The following BNC2 variants were observed in gnomAD, a reference collection of about 807,000 sequenced individuals.
The protein encoded by BNC2 is zinc finger protein basonuclin-2.
BNC2 carries 20 observed loss-of-function variants against 76.3 expected under a neutral mutation model. The ratio of observed to expected loss-of-function variants is 0.26; its 90% confidence interval spans 0.18 to 0.38. The LOEUF (loss-of-function observed/expected upper bound fraction) is 0.38, where lower values mean the gene tolerates loss of function less well. Among genes scored for constraint, BNC2 ranks in the 10% least tolerant of loss-of-function variants. BNC2 has a pLI of 1.00. For missense variants in BNC2, 1,382 were observed against 1,399.8 expected (o/e 0.99, Z 0.20); for synonymous variants, 582 against 514.8 (o/e 1.13, Z -1.77).
chr9:16,791,234 T>G (rs1388047462), intron 1 of BNC2, among the ~76,000 whole-genome samples: 1 of 152,044 alleles, frequency 6.6e-6, no homozygotes, highest in Admixed American at 6.5e-5. Context: ...GCTAATTTTT[T>G]GTATTTTTAG....
intron 5 of BNC2, among the ~76,000 whole-genome samples, chr9:16,509,380 G>A (rs1048160277): frequency 6.6e-6 from 1 of 152,268 alleles, no homozygotes; most frequent in Middle Eastern, 3.4e-3. Flanking sequence ...AGTCCTCGAG[G>A]ACAGGAAACA....
intron 5 of BNC2, among the ~76,000 whole-genome samples, chr9:16,507,992 T>C (rs994887246): frequency 6.6e-6 from 1 of 152,196 alleles, no homozygotes; most frequent in Non-Finnish European, 1.5e-5. Context: ...ATTTTAGTCA[T>C]TGAGTATTGA....
rs186475544 is a variant in BNC2 at position 16,451,519 on chromosome 9, C to G, written c.670-13995G>C. 3.9e-5 allele frequency among the ~76,000 whole-genome samples: 6 copies of G among 152,232 alleles called. No homozygotes were observed. In the East Asian group the frequency reaches 1.2e-3, roughly 29 times the overall value. ...GAAGTCCCCTCAATATAGACTCAACCTACATTTCTAACATCATCTCCTGCC... is the reference window on the plus strand; with the variant it reads ...GAAGTCCCCTCAATATAGACTCAACGTACATTTCTAACATCATCTCCTGCC... On this transcript the variant is annotated intron_variant, in intron 5 of 6. Coordinates refer to ENST00000380672, the MANE Select transcript of BNC2 (RefSeq NM_017637.6).
chr9:16,870,545 G>A, intron 1 of BNC2, 101 bp downstream of exon 1: 1 of 1,397,632 alleles, frequency 7.2e-7, no homozygotes. Context: ...GCGGGCCGGA[G>A]GGCGGACACG....
chr9:16,558,199 A>T (rs1818898239), intron 4 of BNC2, among the ~76,000 whole-genome samples: 1 of 152,106 alleles, frequency 6.6e-6, no homozygotes, highest in South Asian at 2.1e-4. Flanking sequence ...CTAGAAAACC[A>T]GTCTGCTCCC....
chr9:16,870,457 G>A (rs374429273), intron 1 of BNC2, among the ~76,000 whole-genome samples, 189 bp downstream of exon 1: 1 of 151,980 alleles, frequency 6.6e-6, no homozygotes, highest in African/African-American at 2.4e-5. Context: ...GAGGCCACTG[G>A]GAGCGCAGCG....
intron 3 of BNC2, among the ~76,000 whole-genome samples, chr9:16,698,282 G>C (rs1823398579): frequency 6.6e-6 from 1 of 151,148 alleles, no homozygotes; most frequent in African/African-American, 2.4e-5. Flanking sequence ...AAGCATACAA[G>C]GGCAAGCAAG....
At chr9:16,682,262 G>A (rs992334092) in intron 3 of BNC2, among the ~76,000 whole-genome samples, 1 of 150,198 alleles carries the variant, frequency 6.7e-6, no homozygotes, top group Non-Finnish European at 1.5e-5. Flanking sequence ...GTAATAAAAA[G>A]TTTCAAGACA....
chr9:16,491,304 G>C (rs1264660583), intron 5 of BNC2, among the ~76,000 whole-genome samples: 1 of 152,168 alleles, frequency 6.6e-6, no homozygotes, highest in Non-Finnish European at 1.5e-5. Flanking sequence ...TGCTAATCAA[G>C]TAAGATCCTT....
intron 3 of BNC2, among the ~76,000 whole-genome samples, chr9:16,650,172 C>T (rs1821753758): frequency 6.6e-6 from 1 of 152,216 alleles, no homozygotes; most frequent in Non-Finnish European, 1.5e-5. Context: ...TCACAAGACA[C>T]AGGAACTCTT....
chr9:16,490,096 C>A (rs1319529669), intron 5 of BNC2, among the ~76,000 whole-genome samples: 2 of 152,224 alleles, frequency 1.3e-5, no homozygotes, highest in African/African-American at 2.4e-5. Flanking sequence ...AAATCAAAGA[C>A]CTTTCTCCCC....
At chr9:16,482,610 A>G (rs1214831840) in intron 5 of BNC2, among the ~76,000 whole-genome samples, 1 of 152,246 alleles carries the variant, frequency 6.6e-6, no homozygotes, top group Non-Finnish European at 1.5e-5. Context: ...ATGATGAGAC[A>G]TATAATCTTA....
At chr9:16,433,091 C>T (rs1407170460) in intron 6 of BNC2, among the ~76,000 whole-genome samples, 2 of 152,142 alleles carry the variant, frequency 1.3e-5, no homozygotes, top group Non-Finnish European at 2.9e-5. Context: ...ACCCCAATGG[C>T]ATCACTGGTT....
At chr9:16,465,719 T>C (rs1821691695) in intron 5 of BNC2, among the ~76,000 whole-genome samples, 1 of 152,160 alleles carries the variant, frequency 6.6e-6, no homozygotes, top group South Asian at 2.1e-4. Context: ...TTCAACACTT[T>C]CTTAACATAT....
chr9:16,535,088 T>A (rs948454425), intron 5 of BNC2, among the ~76,000 whole-genome samples: 3 of 152,200 alleles, frequency 2.0e-5, no homozygotes, highest in Non-Finnish European at 4.4e-5. Flanking sequence ...CTTCATCACC[T>A]ATAAAACTAA....
In BNC2 at chr9:16,435,544, G is replaced by A. The variant is rs768319684; in HGVS notation, c.2639+11C>T. ...ACCCCCAGCAGGAGCAGCCAATGGA[G>A]ATTTACTGACCTGTCTCGGCTTCGG... On this transcript the variant is annotated intron_variant, in intron 6 of 6. Coordinates refer to ENST00000380672, the MANE Select transcript of BNC2 (RefSeq NM_017637.6). 6.8e-6 allele frequency: 11 copies of A among 1,613,432 alleles called. No individual in the cohort carries two copies. The South Asian group carries it at 8.8e-5, about 13-fold the overall frequency.
intron 5 of BNC2, among the ~76,000 whole-genome samples, chr9:16,462,936 A>C (rs968086911): frequency 6.6e-5 from 10 of 152,036 alleles, no homozygotes; most frequent in African/African-American, 2.4e-4. Context: ...TTTATGCCCA[A>C]ATTTTAGAAC....
chr9:16,556,886 T>A (rs1818851264), intron 4 of BNC2, among the ~76,000 whole-genome samples: 1 of 152,138 alleles, frequency 6.6e-6, no homozygotes, highest in South Asian at 2.1e-4. Flanking sequence ...AATTACTAGA[T>A]CATATCGAGT....
At chr9:16,689,163 CAAAAAAAA>C (rs58620248) in intron 3 of BNC2, among the ~76,000 whole-genome samples, 2 of 50,494 alleles carry the variant, frequency 4.0e-5, no homozygotes, top group African/African-American at 6.2e-5. Context: ...ACTGAGATCA[CAAAAAAAA>C]AAAAAAAAAA....
Sources: gnomAD v4.1 joint callset for allele counts (sites outside exome capture counted in the v4.1 genomes callset) on GRCh38, gnomAD v4.1.1 for gene constraint, MANE v1.5 for transcripts, NCBI Gene and HGNC (gene_info 2026-07-23, HGNC 2026-07-21) for gene names.